FAM221B: variants seen among roughly 807,000 people sequenced by gnomAD.
The protein encoded by FAM221B is protein FAM221B.
In FAM221B, 35 loss-of-function variants were observed where a neutral mutation model predicts 39.8. That is an observed-to-expected ratio of 0.88 (90% confidence interval 0.67 to 1.17). The LOEUF is 1.17. FAM221B is among the 50% of genes most tolerant of loss of function. FAM221B has a pLI of 0.00. For missense variants in FAM221B, 479 were observed against 503.1 expected (o/e 0.95, Z 0.46); for synonymous variants, 158 against 178.1 (o/e 0.89, Z 0.90).
chr9:35,824,778 T>A (rs983171075), intron 3 of FAM221B, among the ~76,000 whole-genome samples: 1 of 150,622 alleles, frequency 6.6e-6, no homozygotes, highest in Non-Finnish European at 1.5e-5. Context: ...ACCTCCCGGG[T>A]TCACGCCATT....
At position 35,825,838 on chromosome 9, in the gene FAM221B, A is replaced by G. The variant is rs749002749; in HGVS notation, c.324T>C (p.Leu108=). 1.2e-6 allele frequency: 2 copies of G among 1,614,122 alleles called. No individual in the cohort carries two copies. Among genetic ancestry groups the G allele is most frequent in the Non-Finnish European group, 1.7e-6 (2 of 1,180,024 alleles). ...AGACATAGTCTCGTGATTGGGGAGG[A>G]AGAGTAAGGTGTTTCTCTGGCACCA... ...ISVVPEKHLT[L]PPQSRDYVCL... is the part of the protein sequence containing the mutation. The change falls in exon 2 of 7, where the codon CTT becomes CTC. Residue 108 remains leucine (L), a synonymous_variant. Coordinates refer to ENST00000423537, the MANE Select transcript of FAM221B (RefSeq NM_001012446.4). This position sits in a 1 kb window ranked among gnomAD's most constrained non-coding sequence, Gnocchi z 4.2.
intron 3 of FAM221B, chr9:35,821,471 T>C (rs758189648): frequency 6.6e-6 from 9 of 1,367,962 alleles, no homozygotes; most frequent in Non-Finnish European, 8.8e-6. Context: ...CCTGTCTAGA[T>C]GTGGCTTTTG....
In FAM221B at chr9:35,825,213, A is replaced by ACTTTC. The variant is rs1482886171; in HGVS notation, c.742+16_742+17insGAAAG. On this transcript the variant is annotated intron_variant, in intron 3 of 6. Coordinates refer to ENST00000423537, the MANE Select transcript of FAM221B (RefSeq NM_001012446.4). The surrounding 1 kb of genome is among the most constrained non-coding windows in gnomAD (Gnocchi z 4.2). ...CATGGGCCTGTCACAGGCCTCTGAA[A>ACTTTC]GGCCACATGGGCTCACCTGTCTGGA... 3 of 1,614,106 alleles carry ACTTTC rather than the reference A, an allele frequency of 1.9e-6. No individual in the cohort carries two copies. In the South Asian group the frequency reaches 3.3e-5, roughly 18 times the overall value.
At chr9:35,818,742 T>TG in intron 6 of FAM221B, 148 bp downstream of exon 6, 1 of 1,126,294 alleles carries the variant, frequency 8.9e-7, no homozygotes, top group Non-Finnish European at 1.3e-6. Context: ...CCAGTGCAGA[T>TG]GTGGGATGCA....
intron 3 of FAM221B, among the ~76,000 whole-genome samples, chr9:35,823,482 AT>A (rs1467913644): frequency 6.6e-6 from 1 of 152,236 alleles, no homozygotes; most frequent in East Asian, 1.9e-4. Context: ...AGGACTCAAC[AT>A]CCCCACTATT....
chr9:35,819,110 C>G, intron 5 of FAM221B, 87 bp downstream of exon 5: 3 of 1,533,952 alleles, frequency 2.0e-6, no homozygotes, highest in African/African-American at 1.4e-5. Flanking sequence ...GCCCAAGGCT[C>G]TCATACCTGC....
rs374494156 is a variant in FAM221B, at chr9:35,825,257, C to T, written c.715G>A (p.Asp239Asn). The change falls in exon 3 of 7, where the codon GAT (aspartate) becomes AAT (asparagine). Residue 239 changes from aspartate (D) to asparagine (N), a missense_variant. Coordinates refer to ENST00000423537, the MANE Select transcript of FAM221B (RefSeq NM_001012446.4). The surrounding 1 kb of genome is among the most constrained non-coding windows in gnomAD (Gnocchi z 4.2). ...GTCTGGATGGCATTCAGGGCTGCATCCTTCTCCCACTGGAAAAGATTGTTC... is the reference window on the plus strand; with the variant it reads ...GTCTGGATGGCATTCAGGGCTGCATTCTTCTCCCACTGGAAAAGATTGTTC... ...QVNNLFQWEK[D>N]AALNAIQTGL... 3 of 1,614,254 alleles carry T rather than the reference C, an allele frequency of 1.9e-6. No homozygotes were observed. The highest frequency in any genetic ancestry group is 2.5e-6 in the Non-Finnish European group (3 of 1,180,040).
rs1829456564 is a variant in FAM221B at position 35,828,028 on chromosome 9, C to T, written c.-1+435G>A. ...AGAATGTGGGCCAGGCATGGTGGCT[C>T]ATGCCAGTAATCCCAGAATTTGGGA... On this transcript the variant is annotated intron_variant, in intron 1 of 6. Coordinates refer to ENST00000423537, the MANE Select transcript of FAM221B (RefSeq NM_001012446.4). The surrounding 1 kb of genome is among the most constrained non-coding windows in gnomAD (Gnocchi z 4.5). 6.6e-6 allele frequency among the ~76,000 whole-genome samples: 1 copy of T among 152,116 alleles called. No individual in the cohort carries two copies. Among genetic ancestry groups the T allele is most frequent in the East Asian group, 1.9e-4 (1 of 5,198 alleles).
Position 35,828,279 on chromosome 9 carries a change from G to A in FAM221B, c.-1+184C>T, listed in dbSNP as rs80157275. ...TGCACTCCAGCCTGGGGGACAGAGC[G>A]AGACTCTGTCTCAAACAACAACAAC... On this transcript the variant is annotated intron_variant, in intron 1 of 6. Coordinates refer to ENST00000423537, the MANE Select transcript of FAM221B (RefSeq NM_001012446.4). This position sits in a 1 kb window ranked among gnomAD's most constrained non-coding sequence, Gnocchi z 4.5. Among the ~76,000 whole-genome samples, 2 of 147,694 alleles carry A rather than the reference G, an allele frequency of 1.4e-5. No homozygotes were observed. The highest frequency in any genetic ancestry group is 6.8e-5 in the Admixed American group (1 of 14,688).
chr9:35,819,858 C>A, intron 4 of FAM221B, 32 bp downstream of exon 4: 1 of 1,498,520 alleles, frequency 6.7e-7, no homozygotes, highest in Non-Finnish European at 9.3e-7. Flanking sequence ...TATTCCTCCA[C>A]ACTCGAGAGG....
At chr9:35,822,694 G>A (rs888256948) in intron 3 of FAM221B, among the ~76,000 whole-genome samples, 9 of 152,130 alleles carry the variant, frequency 5.9e-5, no homozygotes, top group Admixed American at 4.6e-4. Context: ...GGTGGTAGCC[G>A]CTGCGCTCGG....
rs978582328 is a variant in FAM221B at position 35,819,291 on chromosome 9, G to A, written c.957C>T (p.Ala319=). The change falls in exon 5 of 7, where the codon GCC becomes GCT. Residue 319 remains alanine (A), a synonymous_variant. Coordinates refer to ENST00000423537, the MANE Select transcript of FAM221B (RefSeq NM_001012446.4). ...EVGEFWLKRR[A]TFDPKAWRAQ... ...CCCTCCAGGCCTTGGGGTCAAAGGT[G>A]GCCCGTCTCTTGAGCCAGAACTCAC... 1.2e-4 allele frequency: 191 copies of A among 1,551,616 alleles called. No individual in the cohort carries two copies. The highest frequency in any genetic ancestry group is 1.5e-4 in the Non-Finnish European group (172 of 1,147,006).
Position 35,817,726 on chromosome 9 carries a change from CT to C in FAM221B, c.*742del, listed in dbSNP as rs1564004502. ...CCCCAGCCATTGGCCTTATCTCCTA[CT>C]TCACAGGGCATATAGAAGCCATCAG... On this transcript the variant is annotated 3_prime_UTR_variant, in exon 7 of 7. Coordinates refer to ENST00000423537, the MANE Select transcript of FAM221B (RefSeq NM_001012446.4). 6.6e-6 allele frequency: 1 copy of C among 152,344 alleles called. No homozygotes were observed. Among genetic ancestry groups the C allele is most frequent in the African/African-American group, 2.4e-5 (1 of 41,460 alleles). The allele number at this position is 152,344 out of a possible 1,614,324, so 9.4% of individuals were successfully genotyped here.
chr9:35,817,962 C>T lies in FAM221B; in HGVS notation c.*507G>A, dbSNP rs1324242022. On this transcript the variant is annotated 3_prime_UTR_variant, in exon 7 of 7. Coordinates refer to ENST00000423537, the MANE Select transcript of FAM221B (RefSeq NM_001012446.4). Reference sequence around the variant, plus strand: ...GGGTCCTTCAAGGTCCTTTAGTCTACTGGCCTCTTCCCCTTTTCCTTCCTA... The same window carrying T: ...GGGTCCTTCAAGGTCCTTTAGTCTATTGGCCTCTTCCCCTTTTCCTTCCTA... The T allele has an allele frequency of 6.2e-6, 1 of 160,284 alleles. No individual in the cohort carries two copies. Among genetic ancestry groups the T allele is most frequent in the Non-Finnish European group, 1.4e-5 (1 of 73,034 alleles). 9.9% of individuals were successfully genotyped at this position (160,284 alleles called of 1,614,324 possible). A position where few individuals can be genotyped will look rare whatever the true frequency, so the allele number is the denominator to read the frequency against.
Position 35,825,814 on chromosome 9 carries a change from G to A in FAM221B, c.348C>T (p.Val116=). The change falls in exon 2 of 7, where the codon GTC becomes GTT. Residue 116 remains valine (V), a synonymous_variant. Coordinates refer to ENST00000423537, the MANE Select transcript of FAM221B (RefSeq NM_001012446.4). This position sits in a 1 kb window ranked among gnomAD's most constrained non-coding sequence, Gnocchi z 4.2. ...TCAGAGTATCAGAAGAAGACAGACA[G>A]ACATAGTCTCGTGATTGGGGAGGAA... ...LTLPPQSRDY[V]CLSSSDTLKE... 1 of 1,614,174 alleles carries A rather than the reference G, an allele frequency of 6.2e-7. No homozygotes were observed. The highest frequency in any genetic ancestry group is 8.5e-7 in the Non-Finnish European group (1 of 1,180,004).
At chr9:35,818,565 G>T in intron 6 of FAM221B, 59 bp from the exon 7 acceptor site, 1 of 1,504,250 alleles carries the variant, frequency 6.6e-7, no homozygotes, top group Non-Finnish European at 9.1e-7. Context: ...AGGGAGGCCA[G>T]GCTGGAGACC....
chr9:35,820,023 G>T, intron 3 of FAM221B, 23 bp from the exon 4 acceptor site: 1 of 1,573,742 alleles, frequency 6.4e-7, no homozygotes, highest in Non-Finnish European at 8.7e-7. Flanking sequence ...GATTAAAAGT[G>T]AGAAGTAAAA....
At position 35,828,482 on chromosome 9, in the gene FAM221B, T is replaced by A. The variant is rs561976144; in HGVS notation, c.-20A>T. On this transcript the variant is annotated 5_prime_UTR_variant, in exon 1 of 7. Coordinates refer to ENST00000423537, the MANE Select transcript of FAM221B (RefSeq NM_001012446.4). The surrounding 1 kb of genome is among the most constrained non-coding windows in gnomAD (Gnocchi z 4.5). ...ACCTACCCTCTGGGCTTTGGCTTGGTTGTTACAAGTCCTTAGGTCAAGACC... is the reference window on the plus strand; with the variant it reads ...ACCTACCCTCTGGGCTTTGGCTTGGATGTTACAAGTCCTTAGGTCAAGACC... 3.0e-6 allele frequency: 3 copies of A among 985,364 alleles called. No homozygotes were observed. In the African/African-American group the frequency reaches 5.2e-5, roughly 17 times the overall value. The allele number at this position is 985,364 out of a possible 1,614,324, so 61.0% of individuals were successfully genotyped here.
chr9:35,820,641 GCCAAA>G (rs908460987), intron 3 of FAM221B, among the ~76,000 whole-genome samples: 16 of 152,296 alleles, frequency 1.1e-4, no homozygotes, highest in African/African-American at 3.6e-4. Context: ...AAGAAGGGCT[GCCAAA>G]GGTTCTTCAA....
Sources: allele counts gnomAD v4.1 joint callset (sites outside exome capture counted in the v4.1 genomes callset), GRCh38; gene constraint gnomAD v4.1.1; non-coding constraint Gnocchi (gnomAD v3.1); transcripts MANE v1.5; gene names NCBI Gene and HGNC (gene_info 2026-07-23, HGNC 2026-07-21).